Variants in MYBPHL observed in about 807,000 individuals in gnomAD.
The protein encoded by MYBPHL is myosin-binding protein H-like.
A neutral mutation model predicts 39.5 loss-of-function variants in MYBPHL; 32 were observed. The ratio of observed to expected loss-of-function variants is 0.81; its 90% CI spans 0.61 to 1.09. The LOEUF is 1.09. MYBPHL is among the 50% of genes least tolerant of loss of function. The probability of loss-of-function intolerance (pLI) is 0.00; values close to 1 mark genes in which losing one functional copy is unlikely to be tolerated. For synonymous variants in MYBPHL, 196 were observed against 183.7 expected (o/e 1.07, Z -0.54); for missense variants, 456 against 460.2 (o/e 0.99, Z 0.08).
chr1:109,297,244 C>T, intron 3 of MYBPHL, 55 bp from the exon 4 acceptor site: 1 of 1,613,250 alleles, frequency 6.2e-7, no homozygotes, highest in East Asian at 2.2e-5. Context: ...GCATTGAAGT[C>T]ACTTCAGGAG....
At chr1:109,306,752 T>C (rs1658482256) in intron 1 of MYBPHL, 95 bp downstream of exon 1, 1 of 1,113,862 alleles carries the variant, frequency 9.0e-7, no homozygotes, top group Non-Finnish European at 1.2e-6. Flanking sequence ...TCTTTAGCTC[T>C]GCAGAAAACC....
intron 1 of MYBPHL, among the ~76,000 whole-genome samples, chr1:109,301,147 G>A (rs1424677579): frequency 6.6e-6 from 1 of 152,218 alleles, no homozygotes; most frequent in African/African-American, 2.4e-5. Flanking sequence ...CACATCCGCA[G>A]TCAAGCGAGG....
In MYBPHL at chr1:109,299,337, G is replaced by A. The variant is rs140899266; in HGVS notation, c.146-1080C>T. 4.1e-3 allele frequency among the ~76,000 whole-genome samples: 619 copies of A among 152,356 alleles called. 2 individuals are homozygous for A. Among genetic ancestry groups the A allele is most frequent in the African/African-American group, 0.014 (580 of 41,570 alleles). ...CCTGTGGCAAACAGCATGACTGCTC[G>A]ATAGTGGATTCCAGACTCTTTGATA... On this transcript the variant is annotated intron_variant, in intron 1 of 8. Coordinates refer to ENST00000357155, the MANE Select transcript of MYBPHL (RefSeq NM_001010985.3).
intron 2 of MYBPHL, 112 bp from the exon 3 acceptor site, chr1:109,297,729 C>T: frequency 1.0e-6 from 1 of 964,354 alleles, no homozygotes; most frequent in East Asian, 2.7e-5. Flanking sequence ...CTTGGAGCTG[C>T]ACATTCCTTG....
At chr1:109,296,203 C>A in intron 6 of MYBPHL, 31 bp downstream of exon 6, 1 of 1,610,052 alleles carries the variant, frequency 6.2e-7, no homozygotes, top group South Asian at 1.1e-5. Flanking sequence ...AGAAGCAGCT[C>A]AGCACAGTGC....
intron 1 of MYBPHL, among the ~76,000 whole-genome samples, chr1:109,306,134 C>G (rs1057338359): frequency 6.6e-6 from 1 of 152,214 alleles, no homozygotes; most frequent in Non-Finnish European, 1.5e-5. Flanking sequence ...TTAAGACTTT[C>G]AGGTGAGCGC....
At chr1:109,299,946 C>A (rs1262896940) in intron 1 of MYBPHL, among the ~76,000 whole-genome samples, 1 of 152,112 alleles carries the variant, frequency 6.6e-6, no homozygotes, top group Non-Finnish European at 1.5e-5. Flanking sequence ...TGAAGACGGG[C>A]GGATATGACT....
chr1:109,298,411 G>A (rs1389692660), intron 1 of MYBPHL, among the ~76,000 whole-genome samples, 154 bp from the exon 2 acceptor site: 2 of 151,996 alleles, frequency 1.3e-5, no homozygotes, highest in Non-Finnish European at 2.9e-5. Flanking sequence ...CATCCTGCTG[G>A]GATTTGGGGA....
chr1:109,297,528 G>A lies in MYBPHL; in HGVS notation c.324C>T (p.Ser108=). 6.2e-7 allele frequency: 1 copy of A among 1,613,872 alleles called. No homozygotes were observed. ...GTTGGGCTTCTCGGATGAAGAGGATGGAGTCTTGCTCCCCATTCCGCACAC... is the reference window on the plus strand; with the variant it reads ...GTTGGGCTTCTCGGATGAAGAGGATAGAGTCTTGCTCCCCATTCCGCACAC... ...RVSVRNGEQD[S]ILFIREAQRA... is the part of the protein sequence containing the mutation. Residue 108 remains serine, a synonymous_variant, in exon 3 of 9, where the codon TCC becomes TCT. Coordinates refer to ENST00000357155, the MANE Select transcript of MYBPHL (RefSeq NM_001010985.3).
intron 3 of MYBPHL, 103 bp from the exon 4 acceptor site, chr1:109,297,292 C>G: frequency 6.4e-7 from 1 of 1,574,366 alleles, no homozygotes; most frequent in Non-Finnish European, 8.7e-7. Flanking sequence ...ACCCCTCCTG[C>G]GCCCACCCTG....
chr1:109,303,129 C>T (rs1046141711), intron 1 of MYBPHL, among the ~76,000 whole-genome samples: 1 of 152,150 alleles, frequency 6.6e-6, no homozygotes, highest in African/African-American at 2.4e-5. Context: ...GTATGTCATT[C>T]CTGAGACCTG....
rs377573642 is a variant in MYBPHL, at chr1:109,297,615, G to T, written c.237C>A (p.Gly79=). The change falls in exon 3 of 9, where the codon GGC becomes GGA. Residue 79 remains glycine, a splice_region_variant and synonymous_variant. Transcript: ENST00000357155. ...TCCAGATGGCTTGAGGTTTGGGCTT[G>T]CCCTGAGGAATGAGGGTAATGCTTT... ...DTVNLLIPFQ[G]KPKPQAIWTH... The T allele has an allele frequency of 4.7e-5, 76 of 1,612,572 alleles. No homozygotes were observed. Among genetic ancestry groups the T allele is most frequent in the Non-Finnish European group, 6.0e-5 (71 of 1,179,576 alleles).
chr1:109,299,529 T>C (rs1002563704), intron 1 of MYBPHL, among the ~76,000 whole-genome samples: 3 of 152,250 alleles, frequency 2.0e-5, no homozygotes, highest in Non-Finnish European at 4.4e-5. Flanking sequence ...CAGCAAGCAT[T>C]GTCCAGAGAA....
At chr1:109,295,383 C>T (rs771226582) in intron 6 of MYBPHL, 86 bp from the exon 7 acceptor site, 1 of 1,282,146 alleles carries the variant, frequency 7.8e-7, no homozygotes, top group Non-Finnish European at 1.1e-6. Flanking sequence ...GGGACTCTGT[C>T]TATATAGAGA....
chr1:109,294,132 T>G, intron 8 of MYBPHL, 74 bp downstream of exon 8: 1 of 1,008,284 alleles, frequency 9.9e-7, no homozygotes, highest in South Asian at 1.3e-5. Flanking sequence ...GGAATGCACC[T>G]CTGTCCCTGA....
Position 109,296,357 on chromosome 1 carries a change from C to A in MYBPHL, c.744G>T (p.Lys248Asn). The change falls in exon 6 of 9, where the codon AAG (lysine) becomes AAT (asparagine). Residue 248 changes from lysine to asparagine, a missense_variant. Transcript: ENST00000357155. The stretch of plus-strand genomic sequence containing the variant: ...AGTCTCGTTGGGCAAACCCCTTGGT[C>A]TTGTAAACAGTAGCTGAGGGCACCA... ...AHIQKAATVYKTKGFAQRDFS... is the reference protein window; with the variant it reads ...AHIQKAATVYNTKGFAQRDFS... 1 of 1,613,892 alleles carries A rather than the reference C, an allele frequency of 6.2e-7. No homozygotes were observed. Among genetic ancestry groups the A allele is most frequent in the Non-Finnish European group, 8.5e-7 (1 of 1,179,946 alleles).
At position 109,297,551 on chromosome 1, in the gene MYBPHL, C is replaced by T; in HGVS notation, c.301G>A (p.Val101Met). The change falls in exon 3 of 9, where the codon GTG becomes ATG. Residue 101 changes from valine to methionine, a missense_variant. By Grantham distance (21) the Val-to-Met change is conservative. Coordinates refer to ENST00000357155, the MANE Select transcript of MYBPHL (RefSeq NM_001010985.3). The stretch of plus-strand genomic sequence containing the variant: ...ATGGAGTCTTGCTCCCCATTCCGCA[C>T]ACTCACACGCCTGGTGTCCAAGGCA... ...GCALDTRRVS[V>M]RNGEQDSILF... 1.2e-6 allele frequency: 2 copies of T among 1,613,944 alleles called. No homozygotes were observed. Among genetic ancestry groups the T allele is most frequent in the Non-Finnish European group, 1.7e-6 (2 of 1,180,040 alleles).
chr1:109,306,927 G>A lies in MYBPHL; in HGVS notation c.65C>T (p.Pro22Leu), dbSNP rs979353244. Residue 22 changes from proline to leucine, a missense_variant, in exon 1 of 9, where the codon CCA (proline) becomes CTA (leucine). By Grantham distance (98) the Pro-to-Leu change is moderately conservative. Coordinates refer to ENST00000357155, the MANE Select transcript of MYBPHL (RefSeq NM_001010985.3). ...GSKLKVKEASPADAEPPQASP... is the reference protein window; with the variant it reads ...GSKLKVKEASLADAEPPQASP... The stretch of plus-strand genomic sequence containing the variant: ...AGCCTGGGGTGGTTCAGCATCCGCT[G>A]GGCTGGCTTCTTTCACCTTCAGCTT... The A allele has an allele frequency of 6.2e-7, 1 of 1,610,214 alleles. No homozygotes were observed. The highest frequency in any genetic ancestry group is 8.5e-7 in the Non-Finnish European group (1 of 1,178,310).
intron 8 of MYBPHL, among the ~76,000 whole-genome samples, chr1:109,293,528 G>A (rs1657936029): frequency 1.3e-5 from 2 of 151,938 alleles, no homozygotes; most frequent in South Asian, 4.1e-4. Context: ...TGGATCATGA[G>A]GTCAGGAGAT....
Sources: allele counts gnomAD v4.1 joint callset (sites outside exome capture counted in the v4.1 genomes callset), GRCh38; gene constraint gnomAD v4.1.1; transcripts MANE v1.5; gene names NCBI Gene and HGNC (gene_info 2026-07-23, HGNC 2026-07-21).